The following PPARGC1A variants were observed in gnomAD, a reference collection of about 807,000 sequenced individuals.
PPARGC1A encodes peroxisome proliferator-activated receptor gamma coactivator 1-alpha.
In PPARGC1A, 25 loss-of-function variants were observed where a neutral mutation model predicts 88.7. The ratio of observed to expected loss-of-function variants is 0.28; its 90% CI spans 0.21 to 0.39. The LOEUF (loss-of-function observed/expected upper bound fraction) is 0.39. PPARGC1A is among the 10% of genes least tolerant of loss of function. The pLI is 1.00. For missense variants in PPARGC1A, 880 were observed against 968.7 expected, an observed-to-expected ratio of 0.91 and a Z score of 1.22; for synonymous variants, 363 against 355.6, an observed-to-expected ratio of 1.02 and a Z score of -0.24.
chr4:24,359,498 C>A, the PPARGC1A span, among the ~76,000 whole-genome samples: 1 of 152,200 alleles, frequency 6.6e-6, no homozygotes, highest in East Asian at 1.9e-4. Context: ...TCACCAAATT[C>A]TTGATCCCCA....
chr4:24,285,456 AG>A, the PPARGC1A span, among the ~76,000 whole-genome samples: 1 of 152,204 alleles, frequency 6.6e-6, no homozygotes, highest in Non-Finnish European at 1.5e-5. Context: ...AAAGCCTTCA[AG>A]ATTCTGCCAA....
the PPARGC1A span, among the ~76,000 whole-genome samples, chr4:24,464,704 A>C: frequency 6.6e-6 from 1 of 152,186 alleles, no homozygotes; most frequent in East Asian, 1.9e-4. Flanking sequence ...CTCACAAAGC[A>C]ATCAGACGTG....
the PPARGC1A span, among the ~76,000 whole-genome samples, chr4:24,324,854 A>C: frequency 3.0e-3 from 452 of 151,918 alleles, 2 homozygotes; most frequent in African/African-American, 9.5e-3. Context: ...CTGAGTCTTT[A>C]TAATCTTCCT....
the PPARGC1A span, among the ~76,000 whole-genome samples, chr4:24,292,493 C>T: frequency 3.5e-4 from 52 of 149,794 alleles, no homozygotes; most frequent in African/African-American, 1.3e-3. Flanking sequence ...TCCTTCCTAA[C>T]CCCTCACCCC....
the PPARGC1A span, among the ~76,000 whole-genome samples, chr4:24,007,512 G>C: frequency 6.6e-6 from 1 of 152,162 alleles, no homozygotes; most frequent in Non-Finnish European, 1.5e-5. Context: ...TAGTTAGGAA[G>C]ATTTCCCTGA....
At chr4:24,341,579 C>T in the PPARGC1A span, among the ~76,000 whole-genome samples, 5 of 152,178 alleles carry the variant, frequency 3.3e-5, no homozygotes, top group African/African-American at 4.8e-5. Flanking sequence ...AAGATAATGA[C>T]GGAATTCAAT....
chr4:24,300,898 T>C, the PPARGC1A span, among the ~76,000 whole-genome samples: 1 of 152,080 alleles, frequency 6.6e-6, no homozygotes. Context: ...ATAGGAACAG[T>C]GGCTGGAGAT....
intron 12 of PPARGC1A, among the ~76,000 whole-genome samples, chr4:23,797,819 A>G (rs1717894283): frequency 6.6e-6 from 1 of 152,210 alleles, no homozygotes; most frequent in South Asian, 2.1e-4. Flanking sequence ...ATATTGGAGC[A>G]CAGTAAGATA....
At chr4:23,928,476 T>C in the PPARGC1A span, among the ~76,000 whole-genome samples, 3 of 152,096 alleles carry the variant, frequency 2.0e-5, no homozygotes, top group African/African-American at 7.2e-5. Flanking sequence ...TGTGGAGAAA[T>C]AGGAATGCTT....
the PPARGC1A span, among the ~76,000 whole-genome samples, chr4:23,929,063 C>T: frequency 1.3e-5 from 2 of 152,024 alleles, no homozygotes; most frequent in African/African-American, 2.4e-5. Context: ...ATAGGTGCAG[C>T]AAACCACCAT....
chr4:24,320,800 T>C, the PPARGC1A span, among the ~76,000 whole-genome samples: 3 of 152,184 alleles, frequency 2.0e-5, no homozygotes, highest in South Asian at 2.1e-4. Flanking sequence ...CAGAACACCA[T>C]AGGAAGCCGG....
At chr4:24,006,184 G>A in the PPARGC1A span, among the ~76,000 whole-genome samples, 1 of 152,146 alleles carries the variant, frequency 6.6e-6, no homozygotes, top group Non-Finnish European at 1.5e-5. Flanking sequence ...AAGTAGCTGG[G>A]ATCATAGGTG....
At chr4:24,230,257 A>T in the PPARGC1A span, among the ~76,000 whole-genome samples, 3 of 152,190 alleles carry the variant, frequency 2.0e-5, no homozygotes, top group Admixed American at 2.0e-4. Context: ...TGGGATGAGA[A>T]GGATCATCTT....
the PPARGC1A span, among the ~76,000 whole-genome samples, chr4:24,146,916 T>A: frequency 6.6e-6 from 1 of 152,136 alleles, no homozygotes; most frequent in East Asian, 1.9e-4. Flanking sequence ...ATTGCCTGTC[T>A]CCCCTCTGTA....
At chr4:24,039,466 G>T in the PPARGC1A span, among the ~76,000 whole-genome samples, 8 of 152,200 alleles carry the variant, frequency 5.3e-5, no homozygotes, top group East Asian at 1.5e-3. Flanking sequence ...AATATTTAAG[G>T]CTACAAAGAA....
chr4:24,332,890 A>C, the PPARGC1A span, among the ~76,000 whole-genome samples: 1 of 152,234 alleles, frequency 6.6e-6, no homozygotes, highest in Non-Finnish European at 1.5e-5. Flanking sequence ...TTTATTTACC[A>C]ACCTGAAATA....
chr4:24,047,776 C>T, the PPARGC1A span, among the ~76,000 whole-genome samples: 1 of 152,316 alleles, frequency 6.6e-6, no homozygotes, highest in Non-Finnish European at 1.5e-5. Context: ...AAGCCTAAGA[C>T]ACCATCCAGA....
the PPARGC1A span, among the ~76,000 whole-genome samples, chr4:24,245,871 T>C: frequency 6.6e-6 from 1 of 152,168 alleles, no homozygotes; most frequent in Non-Finnish European, 1.5e-5. Context: ...CTGCTATTTG[T>C]TGTTTTATTA....
chr4:23,953,667 T>C, the PPARGC1A span, among the ~76,000 whole-genome samples: 1 of 152,024 alleles, frequency 6.6e-6, no homozygotes, highest in African/African-American at 2.4e-5. Context: ...GCATGATCTG[T>C]TGATTCTTTT....
Sources: allele counts gnomAD v4.1 joint callset (sites outside exome capture counted in the v4.1 genomes callset), GRCh38; gene constraint gnomAD v4.1.1; transcripts MANE v1.5; gene names NCBI Gene and HGNC (gene_info 2026-07-23, HGNC 2026-07-21).